UBE2T: variants seen among roughly 807,000 people sequenced by gnomAD.
UBE2T encodes ubiquitin conjugating enzyme E2 T.
Under a neutral mutation model 23.3 loss-of-function variants are expected in UBE2T, and 15 were observed. The observed-to-expected ratio is 0.64, with a 90% CI of 0.43 to 0.99. The LOEUF (loss-of-function observed/expected upper bound fraction) is 0.99, where lower values mean the gene tolerates loss of function less well. Among genes scored for constraint, UBE2T ranks in the 50% least tolerant of loss-of-function variants. UBE2T has a pLI of 0.00. For missense variants in UBE2T, 197 were observed against 234.9 expected (o/e 0.84, Z 1.05); for synonymous variants, 67 against 78.4 (o/e 0.85, Z 0.77).
Position 202,331,732 on chromosome 1 carries a change from C to A in UBE2T, c.*103G>T. On this transcript the variant is annotated 3_prime_UTR_variant, in exon 7 of 7. Transcript: ENST00000646651. ...ATATGTACAAGATAAATAAACTACA[C>A]AAAAATTATGTCATCAAATATATTT... The A allele has an allele frequency of 7.1e-7, 1 of 1,417,936 alleles. No homozygotes were observed. Among genetic ancestry groups the A allele is most frequent in the South Asian group, 1.3e-5 (1 of 76,528 alleles). The allele number at this position is 1,417,936 out of a possible 1,614,324, so 87.8% of individuals were successfully genotyped here. A position where few individuals can be genotyped will look rare whatever the true frequency, so the allele number is the denominator to read the frequency against.
chr1:202,332,321 C>T (rs1184007759), intron 6 of UBE2T, among the ~76,000 whole-genome samples: 1 of 152,118 alleles, frequency 6.6e-6, no homozygotes, highest in African/African-American at 2.4e-5. Flanking sequence ...AAAAGTTTCC[C>T]CCATCTCTGC....
intron 1 of UBE2T, among the ~76,000 whole-genome samples, chr1:202,336,210 CTTTTTT>C (rs60785340): frequency 5.8e-5 from 2 of 34,332 alleles, no homozygotes; most frequent in African/African-American, 2.1e-4. Context: ...ATGCACCCAG[CTTTTTT>C]TTTTTTTTTT....
chr1:202,340,907 G>A (rs376334279), intron 1 of UBE2T, among the ~76,000 whole-genome samples: 2 of 152,154 alleles, frequency 1.3e-5, no homozygotes, highest in African/African-American at 4.8e-5. Flanking sequence ...TATTTTTCAG[G>A]GTATAAAGGT....
chr1:202,335,609 G>T lies in UBE2T; in HGVS notation c.109+37C>A, dbSNP rs772682343. On this transcript the variant is annotated intron_variant, in intron 2 of 6. Coordinates refer to ENST00000646651, the MANE Select transcript of UBE2T (RefSeq NM_014176.4). This position sits in a 1 kb window ranked among gnomAD's most constrained non-coding sequence, Gnocchi z 4.0. ...TTATTTCAGCACAATCTTCAATAGG[G>T]TCATGACTTTCATCATATACATGAT... 1.3e-6 allele frequency: 2 copies of T among 1,582,274 alleles called. No individual in the cohort carries two copies. Among genetic ancestry groups the T allele is most frequent in the Admixed American group, 3.3e-5 (2 of 59,944 alleles).
In UBE2T at chr1:202,333,901, G is replaced by C. The variant is rs533756677; in HGVS notation, c.180-346C>G. Among the ~76,000 whole-genome samples the C allele has an allele frequency of 9.8e-4, 149 of 151,362 alleles. 2 individuals carry two copies. The highest frequency in any genetic ancestry group is 3.5e-3 in the African/African-American group (145 of 41,308). On this transcript the variant is annotated intron_variant, in intron 3 of 6. Coordinates refer to ENST00000646651, the MANE Select transcript of UBE2T (RefSeq NM_014176.4). Reference sequence around the variant, plus strand: ...AACTAATTCCCTAATATCATTTACTGTTCAGATTTCAGTTGTTCTCCCCAG... The same window carrying C: ...AACTAATTCCCTAATATCATTTACTCTTCAGATTTCAGTTGTTCTCCCCAG...
At chr1:202,337,325 A>G (rs1159107125) in intron 1 of UBE2T, among the ~76,000 whole-genome samples, 2 of 152,214 alleles carry the variant, frequency 1.3e-5, no homozygotes, top group African/African-American at 2.4e-5. Flanking sequence ...CAATAAACAC[A>G]TACTCTTAAC....
Position 202,335,536 on chromosome 1 carries a change from C to T in UBE2T, c.109+110G>A, listed in dbSNP as rs1654860812. Reference sequence around the variant, plus strand: ...ATTTGGGTAGAAAGATGGTAGGGCACTCTGACCTTATAACTGCTCCTTACT... The same window carrying T: ...ATTTGGGTAGAAAGATGGTAGGGCATTCTGACCTTATAACTGCTCCTTACT... On this transcript the variant is annotated intron_variant, in intron 2 of 6. Transcript: ENST00000646651. The surrounding 1 kb of genome is among the most constrained non-coding windows in gnomAD (Gnocchi z 4.0). The T allele has an allele frequency of 9.3e-7, 1 of 1,070,992 alleles. No homozygotes were observed. The highest frequency in any genetic ancestry group is 1.4e-6 in the Non-Finnish European group (1 of 729,516). 66.3% of individuals were successfully genotyped at this position (1,070,992 alleles called of 1,614,324 possible).
intron 1 of UBE2T, among the ~76,000 whole-genome samples, chr1:202,337,884 T>C (rs533452871): frequency 8.5e-5 from 13 of 152,274 alleles, no homozygotes; most frequent in Admixed American, 3.3e-4. Flanking sequence ...CCATATAAAT[T>C]TGAGAATCAG....
intron 3 of UBE2T, among the ~76,000 whole-genome samples, chr1:202,333,761 A>T (rs548618136): frequency 7.2e-5 from 11 of 152,274 alleles, no homozygotes; most frequent in African/African-American, 2.6e-4. Context: ...AAACATCCAT[A>T]TATCTACCAC....
chr1:202,337,015 C>T (rs1654900469), intron 1 of UBE2T, among the ~76,000 whole-genome samples: 1 of 152,158 alleles, frequency 6.6e-6, no homozygotes. Flanking sequence ...GCGATCTCGG[C>T]TCACTGCAAC....
At chr1:202,332,791 C>CCAGCTA in intron 6 of UBE2T, among the ~76,000 whole-genome samples, 1 of 147,292 alleles carries the variant, frequency 6.8e-6, no homozygotes, top group African/African-American at 2.5e-5. Flanking sequence ...GCCTGTAGTC[C>CCAGCTA]CAGCTACTTG....
intron 1 of UBE2T, among the ~76,000 whole-genome samples, chr1:202,340,303 C>T (rs1323150066): frequency 6.6e-6 from 1 of 151,858 alleles, no homozygotes; most frequent in Non-Finnish European, 1.5e-5. Flanking sequence ...CATTTGAGGT[C>T]AGGAGTTTGA....
Position 202,335,515 on chromosome 1 carries a change from G to T in UBE2T, c.109+131C>A. The T allele has an allele frequency of 1.2e-6, 1 of 803,158 alleles. No individual in the cohort carries two copies. Among genetic ancestry groups the T allele is most frequent in the Non-Finnish European group, 2.0e-6 (1 of 511,162 alleles). 49.8% of individuals were successfully genotyped at this position (803,158 alleles called of 1,614,324 possible). A position where few individuals can be genotyped will look rare whatever the true frequency, so the allele number is the denominator to read the frequency against. On this transcript the variant is annotated intron_variant, in intron 2 of 6. Coordinates refer to ENST00000646651, the MANE Select transcript of UBE2T (RefSeq NM_014176.4). The surrounding 1 kb of genome is among the most constrained non-coding windows in gnomAD (Gnocchi z 4.0). The stretch of plus-strand genomic sequence containing the variant: ...ACCTTTTATAAATGTAAACAAATTT[G>T]GGTAGAAAGATGGTAGGGCACTCTG...
At chr1:202,332,026 C>T in intron 6 of UBE2T, 66 bp from the exon 7 acceptor site, 1 of 1,580,880 alleles carries the variant, frequency 6.3e-7, no homozygotes, top group Non-Finnish European at 8.6e-7. Flanking sequence ...AAAAATGAAG[C>T]TCTGTAATAT....
intron 1 of UBE2T, among the ~76,000 whole-genome samples, chr1:202,337,956 C>G (rs1322707561): frequency 6.6e-6 from 1 of 152,054 alleles, no homozygotes; most frequent in Non-Finnish European, 1.5e-5. Context: ...CAAATCATAA[C>G]AGGGTTCTGT....
chr1:202,337,087 C>T (rs1267249371), intron 1 of UBE2T, among the ~76,000 whole-genome samples: 2 of 152,100 alleles, frequency 1.3e-5, no homozygotes, highest in South Asian at 2.1e-4. Flanking sequence ...GCATTACAGA[C>T]GCCCGCCACC....
intron 3 of UBE2T, among the ~76,000 whole-genome samples, chr1:202,334,382 GT>G (rs1654836044): frequency 6.6e-6 from 1 of 152,178 alleles, no homozygotes; most frequent in African/African-American, 2.4e-5. Context: ...CTACCTGAGG[GT>G]GGAGGGTGGG....
rs1370907448 is a variant in UBE2T, at chr1:202,331,755, T to C, written c.*80A>G. 33 of 1,545,082 alleles carry C rather than the reference T, an allele frequency of 2.1e-5. No individual in the cohort carries two copies. Among genetic ancestry groups the C allele is most frequent in the Non-Finnish European group, 2.8e-5 (32 of 1,137,064 alleles). On this transcript the variant is annotated 3_prime_UTR_variant, in exon 7 of 7. Coordinates refer to ENST00000646651, the MANE Select transcript of UBE2T (RefSeq NM_014176.4). ...CACAAAAATTATGTCATCAAATATA[T>C]TTAAAAAAAAATTCAAGGTAGGCAA...
chr1:202,336,196 G>A (rs1393356974), intron 1 of UBE2T, among the ~76,000 whole-genome samples: 1 of 147,014 alleles, frequency 6.8e-6, no homozygotes, highest in East Asian at 2.1e-4. Flanking sequence ...ACAGGCGTGA[G>A]CCAATGCACC....
Sources: allele counts gnomAD v4.1 joint callset (sites outside exome capture counted in the v4.1 genomes callset), GRCh38; gene constraint gnomAD v4.1.1; non-coding constraint Gnocchi (gnomAD v3.1); transcripts MANE v1.5; gene names NCBI Gene and HGNC (gene_info 2026-07-23, HGNC 2026-07-21).